The following MGA variants were observed in gnomAD, a reference collection of about 807,000 sequenced individuals.
MGA encodes the protein MAX gene-associated protein.
A neutral mutation model predicts 261.1 loss-of-function variants in MGA; 40 were observed. The ratio of observed to expected loss-of-function variants is 0.15; its 90% CI spans 0.12 to 0.20. The LOEUF (loss-of-function observed/expected upper bound fraction) is 0.20. Ranked by LOEUF, MGA falls within the 10% of genes least tolerant of loss-of-function variation. The pLI, the probability that MGA is intolerant of heterozygous loss-of-function variation, is 1.00. For synonymous variants in MGA, 1,302 were observed against 1,290.6 expected (o/e 1.01, Z -0.19); for missense variants, 3,397 against 3,630.5 (o/e 0.94, Z 1.65).
At chr15:41,628,485 T>G (rs770141115) in intron 1 of MGA, among the ~76,000 whole-genome samples, 1 of 151,518 alleles carries the variant, frequency 6.6e-6, no homozygotes, top group Non-Finnish European at 1.5e-5. Flanking sequence ...TGAAGTAACA[T>G]TTGAACATAA....
At chr15:41,629,471 T>C (rs554780937) in intron 1 of MGA, among the ~76,000 whole-genome samples, 1 of 152,124 alleles carries the variant, frequency 6.6e-6, no homozygotes, top group African/African-American at 2.4e-5. Flanking sequence ...AAGATCAGGG[T>C]TGCGAATATA....
chr15:41,733,239 G>C (rs2061603636), intron 11 of MGA, among the ~76,000 whole-genome samples: 1 of 152,092 alleles, frequency 6.6e-6, no homozygotes, highest in South Asian at 2.1e-4. Flanking sequence ...TTACAGGCGT[G>C]AGCCACAACA....
intron 15 of MGA, among the ~76,000 whole-genome samples, chr15:41,745,596 A>T (rs1400293148): frequency 2.6e-5 from 4 of 151,846 alleles, no homozygotes; most frequent in African/African-American, 9.7e-5. Context: ...TATTTAAAAA[A>T]AATATATATC....
At chr15:41,682,014 T>G (rs894049490) in intron 2 of MGA, among the ~76,000 whole-genome samples, 1 of 151,988 alleles carries the variant, frequency 6.6e-6, no homozygotes, top group Non-Finnish European at 1.5e-5. Flanking sequence ...GCCTCCCAGG[T>G]TCAAGCGATT....
intron 15 of MGA, among the ~76,000 whole-genome samples, chr15:41,748,121 G>A (rs1322417884): frequency 6.6e-6 from 1 of 152,012 alleles, no homozygotes; most frequent in Non-Finnish European, 1.5e-5. Context: ...GCCAGGTGTA[G>A]TGACACATCC....
intron 9 of MGA, among the ~76,000 whole-genome samples, chr15:41,719,403 T>G (rs554307424): frequency 6.6e-6 from 1 of 152,240 alleles, no homozygotes; most frequent in African/African-American, 2.4e-5. Context: ...TCTAAAATTT[T>G]TATGAAAAAC....
chr15:41,698,438 T>C (rs533962781), intron 3 of MGA, among the ~76,000 whole-genome samples: 24 of 152,312 alleles, frequency 1.6e-4, no homozygotes, highest in Middle Eastern at 3.4e-3. Flanking sequence ...GTGCTGGGAT[T>C]ATAGGCGTGA....
intron 9 of MGA, among the ~76,000 whole-genome samples, chr15:41,714,546 C>T (rs1368793228): frequency 3.3e-5 from 5 of 152,210 alleles, no homozygotes; most frequent in Non-Finnish European, 7.3e-5. Flanking sequence ...CTCTGTTGCC[C>T]AGGCTGGAGT....
intron 13 of MGA, chr15:41,739,939 C>T: frequency 6.2e-7 from 1 of 1,612,474 alleles, no homozygotes; most frequent in Non-Finnish European, 8.5e-7. Flanking sequence ...GGCTAAGTTG[C>T]TATTGGGACA....
At chr15:41,657,692 AAAAAC>A (rs1386057832), upstream of MGA, among the ~76,000 whole-genome samples, 8 of 152,208 alleles carry the variant, frequency 5.3e-5, no homozygotes, top group East Asian at 1.3e-3. Flanking sequence ...AAACAAAAAA[AAAAAC>A]AAGCATCTTT....
At chr15:41,695,257 C>T (rs1054889439) in intron 2 of MGA, among the ~76,000 whole-genome samples, 17 of 151,540 alleles carry the variant, frequency 1.1e-4, no homozygotes, top group East Asian at 3.9e-4. Context: ...GGCACAATCT[C>T]GGCTCTCTGC....
chr15:41,631,388 G>A (rs2056585228), intron 1 of MGA, among the ~76,000 whole-genome samples: 1 of 152,080 alleles, frequency 6.6e-6, no homozygotes, highest in Non-Finnish European at 1.5e-5. Context: ...TGTCTATAAA[G>A]AAAGTACATA....
chr15:41,635,165 C>G (rs1255526864), intron 1 of MGA, among the ~76,000 whole-genome samples: 4 of 151,776 alleles, frequency 2.6e-5, no homozygotes, highest in African/African-American at 4.8e-5. Flanking sequence ...AAAACCCCAT[C>G]TCTACTAAAA....
At chr15:41,700,724 G>T (rs2059807134) in intron 5 of MGA, among the ~76,000 whole-genome samples, 1 of 152,058 alleles carries the variant, frequency 6.6e-6, no homozygotes, top group Non-Finnish European at 1.5e-5. Flanking sequence ...CTGTTTTGGG[G>T]TGTAATGAAA....
chr15:41,666,196 C>T (rs929201005), intron 1 of MGA, among the ~76,000 whole-genome samples: 2 of 152,054 alleles, frequency 1.3e-5, no homozygotes, highest in Admixed American at 6.6e-5. Context: ...CACCTGCCCA[C>T]CTGGCCTGTG....
intron 2 of MGA, among the ~76,000 whole-genome samples, chr15:41,680,540 A>G (rs1366233792): frequency 1.3e-5 from 2 of 152,140 alleles, no homozygotes; most frequent in African/African-American, 2.4e-5. Context: ...GTTGGCTACA[A>G]ATCCTGAGAT....
intron 18 of MGA, among the ~76,000 whole-genome samples, chr15:41,757,012 C>G (rs1383269790): frequency 6.6e-6 from 1 of 151,672 alleles, no homozygotes; most frequent in Admixed American, 6.6e-5. Context: ...GTAAGACTTA[C>G]AAAAGTGTGC....
At chr15:41,765,895 G>A in intron 23 of MGA, 109 bp from the exon 24 acceptor site, 1 of 885,402 alleles carries the variant, frequency 1.1e-6, no homozygotes, top group Non-Finnish European at 1.7e-6. Flanking sequence ...GTAGAGTGCT[G>A]AATTTAGACT....
chr15:41,673,200 C>T (rs1057480371), intron 2 of MGA, among the ~76,000 whole-genome samples: 1 of 151,860 alleles, frequency 6.6e-6, no homozygotes, highest in Non-Finnish European at 1.5e-5. Flanking sequence ...CTCTCGTAGT[C>T]CTTAGTTTTT....
Sources: gnomAD v4.1 joint callset for allele counts (sites outside exome capture counted in the v4.1 genomes callset) on GRCh38, gnomAD v4.1.1 for gene constraint, MANE v1.5 for transcripts, NCBI Gene and HGNC (gene_info 2026-07-23, HGNC 2026-07-21) for gene names.